Variants in MECOM observed in about 807,000 individuals in gnomAD.
The protein encoded by MECOM is MDS1 and EVI1 complex locus, also known as histone-lysine N-methyltransferase MECOM.
Under a neutral mutation model 116.3 loss-of-function variants are expected in MECOM, and 13 were observed. The observed-to-expected ratio is 0.11, with a 90% CI of 0.07 to 0.18. MECOM has a LOEUF of 0.18. Among genes scored for constraint, MECOM ranks in the 10% least tolerant of loss-of-function variants. The pLI is 1.00. For synonymous variants in MECOM, 528 were observed against 535.2 expected (o/e 0.99, Z 0.19); for missense variants, 1,299 against 1,509.0 (o/e 0.86, Z 2.31).
intron 1 of MECOM, among the ~76,000 whole-genome samples, chr3:169,439,359 T>G (rs1333338823): frequency 6.7e-6 from 1 of 148,216 alleles, no homozygotes; most frequent in Non-Finnish European, 1.5e-5. Context: ...AATATTAATA[T>G]AGTTAATATA....
At chr3:169,446,640 ATG>A (rs1203562544) in intron 1 of MECOM, among the ~76,000 whole-genome samples, 1 of 152,204 alleles carries the variant, frequency 6.6e-6, no homozygotes, top group Non-Finnish European at 1.5e-5. Context: ...GGTAGTAGTT[ATG>A]TGTGTTGTGC....
intron 1 of MECOM, among the ~76,000 whole-genome samples, chr3:169,514,093 G>T (rs1033246805): frequency 6.6e-6 from 1 of 152,122 alleles, no homozygotes; most frequent in Non-Finnish European, 1.5e-5. Context: ...AGGGGGAAAG[G>T]AGTTGAGATG....
intron 4 of MECOM, among the ~76,000 whole-genome samples, chr3:169,129,288 G>A (rs1229207616): frequency 6.6e-6 from 1 of 151,932 alleles, no homozygotes; most frequent in Non-Finnish European, 1.5e-5. Flanking sequence ...GCACATGTAA[G>A]GGAGGAGTGG....
At chr3:169,590,612 G>A (rs1362609521) in intron 1 of MECOM, among the ~76,000 whole-genome samples, 3 of 152,162 alleles carry the variant, frequency 2.0e-5, no homozygotes, top group African/African-American at 7.2e-5. Context: ...CACCATGCTA[G>A]GTACTTCTAT....
chr3:169,367,963 T>C (rs1729466883), intron 2 of MECOM, among the ~76,000 whole-genome samples: 1 of 152,070 alleles, frequency 6.6e-6, no homozygotes, highest in African/African-American at 2.4e-5. Flanking sequence ...ATGTTTGCTT[T>C]ACCGTCCATC....
At chr3:169,564,072 T>C (rs935135626) in intron 1 of MECOM, among the ~76,000 whole-genome samples, 4 of 152,194 alleles carry the variant, frequency 2.6e-5, no homozygotes, top group African/African-American at 9.6e-5. Context: ...GAAAGACAGA[T>C]CTTTTCAATA....
intron 1 of MECOM, among the ~76,000 whole-genome samples, chr3:169,556,884 C>G (rs181466145): frequency 1.8e-4 from 28 of 152,178 alleles, no homozygotes; most frequent in Admixed American, 1.3e-3. Context: ...GTTATGCCAG[C>G]TCCCAGATTC....
intron 5 of MECOM, 65 bp from the exon 6 acceptor site, chr3:169,122,792 T>C: frequency 6.5e-7 from 1 of 1,543,036 alleles, no homozygotes; most frequent in Non-Finnish European, 8.9e-7. Flanking sequence ...AACATTTTAT[T>C]GTTAATCCAA....
At chr3:169,245,545 T>G (rs1560039913) in intron 2 of MECOM, among the ~76,000 whole-genome samples, 1 of 152,194 alleles carries the variant, frequency 6.6e-6, no homozygotes, top group Non-Finnish European at 1.5e-5. Context: ...TTTATAGAAC[T>G]AATAATTTTT....
intron 1 of MECOM, among the ~76,000 whole-genome samples, chr3:169,528,811 G>T (rs1758244078): frequency 1.3e-5 from 2 of 152,116 alleles, no homozygotes; most frequent in South Asian, 4.1e-4. Context: ...AACCACCCTG[G>T]AAAATCTTAA....
Position 169,454,138 on chromosome 3 carries a change from G to A in MECOM, c.38-72614C>T, listed in dbSNP as rs547291037. On this transcript the variant is annotated intron_variant, in intron 1 of 16. Coordinates refer to ENST00000651503, the MANE Select transcript of MECOM (RefSeq NM_004991.4). ...CTAAGAAATGTTAGAAGGTCTTAAAGATATCGAGTGCTATATTCTAATTAA... is the reference window on the plus strand; with the variant it reads ...CTAAGAAATGTTAGAAGGTCTTAAAAATATCGAGTGCTATATTCTAATTAA... Among the ~76,000 whole-genome samples the A allele has an allele frequency of 2.6e-5, 4 of 152,270 alleles. No individual in the cohort carries two copies. In the South Asian group the frequency reaches 6.2e-4, roughly 24 times the overall value.
intron 1 of MECOM, among the ~76,000 whole-genome samples, chr3:169,409,430 C>T (rs970588651): frequency 2.0e-5 from 3 of 152,160 alleles, no homozygotes; most frequent in Non-Finnish European, 2.9e-5. Context: ...AACTCTGCAG[C>T]ATTTTCATGG....
At chr3:169,194,423 C>A (rs1043449361) in intron 2 of MECOM, among the ~76,000 whole-genome samples, 2 of 151,792 alleles carry the variant, frequency 1.3e-5, no homozygotes, top group East Asian at 3.9e-4. Flanking sequence ...ATGTAACAAA[C>A]CTGCACGTTG....
chr3:169,487,056 T>A (rs1752467989), intron 1 of MECOM, among the ~76,000 whole-genome samples: 1 of 152,112 alleles, frequency 6.6e-6, no homozygotes, highest in Admixed American at 6.5e-5. Flanking sequence ...GTTTTAATTT[T>A]TATTTCACAT....
intron 2 of MECOM, among the ~76,000 whole-genome samples, chr3:169,166,168 C>A (rs1743563859): frequency 6.6e-6 from 1 of 152,130 alleles, no homozygotes; most frequent in African/African-American, 2.4e-5. Context: ...AGAATTTATT[C>A]TTGAATGAAA....
chr3:169,595,173 T>C (rs1235850127), intron 1 of MECOM, among the ~76,000 whole-genome samples: 1 of 152,166 alleles, frequency 6.6e-6, no homozygotes, highest in East Asian at 1.9e-4. Flanking sequence ...ATTAAAAGTT[T>C]AAAAAGAAAA....
At position 169,125,757 on chromosome 3, in the gene MECOM, C is replaced by T. The variant is rs73879017; in HGVS notation, c.830+2087G>A. 4.5e-3 allele frequency among the ~76,000 whole-genome samples: 688 copies of T among 152,188 alleles called. 5 individuals are homozygous for T. Among genetic ancestry groups the T allele is most frequent in the African/African-American group, 0.016 (651 of 41,560 alleles). ...GGAATTTTATCTCAATCTATAGAGC[C>T]TTGATCAGACTTTTGAGTTCTTTTC... On this transcript the variant is annotated intron_variant, in intron 5 of 16. Transcript: ENST00000651503.
At chr3:169,510,300 G>C (rs1755818148) in intron 1 of MECOM, among the ~76,000 whole-genome samples, 1 of 152,152 alleles carries the variant, frequency 6.6e-6, no homozygotes, top group Non-Finnish European at 1.5e-5. Context: ...CTAATTTTCA[G>C]GCAGCACCTG....
chr3:169,313,380 T>G (rs1258881029), intron 2 of MECOM, among the ~76,000 whole-genome samples: 1 of 152,214 alleles, frequency 6.6e-6, no homozygotes, highest in African/African-American at 2.4e-5. Context: ...GATTTGTTTT[T>G]GAGGATGGAA....
Sources: allele counts gnomAD v4.1 joint callset (sites outside exome capture counted in the v4.1 genomes callset), GRCh38; gene constraint gnomAD v4.1.1; transcripts MANE v1.5; gene names NCBI Gene and HGNC (gene_info 2026-07-23, HGNC 2026-07-21).